The following SORCS2 variants were observed in gnomAD, a reference collection of about 807,000 sequenced individuals.
The protein encoded by SORCS2 is VPS10 domain-containing receptor SorCS2.
A neutral mutation model predicts 141.6 loss-of-function variants in SORCS2; 100 were observed. The observed-to-expected ratio is 0.71, with a 90% CI of 0.60 to 0.83. SORCS2 has a LOEUF of 0.83. SORCS2 is among the 40% of genes least tolerant of loss of function. SORCS2 has a pLI of 0.00. For synonymous variants in SORCS2, 789 were observed against 676.9 expected, an observed-to-expected ratio of 1.17 and a Z score of -2.57; for missense variants, 1,646 against 1,560.2, an observed-to-expected ratio of 1.05 and a Z score of -0.93.
At chr4:7,422,286 C>T (rs1043704889) in intron 2 of SORCS2, among the ~76,000 whole-genome samples, 4 of 152,164 alleles carry the variant, frequency 2.6e-5, no homozygotes, top group Admixed American at 6.5e-5. Flanking sequence ...CGGGCCATGC[C>T]GTTCTCTGGG....
chr4:7,384,760 G>C (rs144021029), intron 1 of SORCS2, among the ~76,000 whole-genome samples: 1 of 152,192 alleles, frequency 6.6e-6, no homozygotes, highest in Non-Finnish European at 1.5e-5. Context: ...CTGCATCCTC[G>C]CTTCAGCTCT....
Position 7,723,703 on chromosome 4 carries a change from G to A in SORCS2, c.2431G>A (p.Val811Ile). The change falls in exon 19 of 27, where the codon GTC becomes ATC. Residue 811 changes from valine (V) to isoleucine (I), a missense_variant. By Grantham distance (29) the Val-to-Ile change is conservative. Transcript: ENST00000507866. ...ACATGGTGTTTCTCTGCAGGGTGAT[G>A]TCCTGACTACCAAGTACCAGGTAGA... ...LFVVRQEQGDVLTTKYQVDLG... is the reference protein window; with the variant it reads ...LFVVRQEQGDILTTKYQVDLG... The A allele has an allele frequency of 1.2e-6, 2 of 1,613,982 alleles. No individual in the cohort carries two copies. The highest frequency in any genetic ancestry group is 1.1e-5 in the South Asian group (1 of 91,088).
intron 2 of SORCS2, among the ~76,000 whole-genome samples, chr4:7,528,194 A>C (rs1400479022): frequency 6.6e-6 from 1 of 152,162 alleles, no homozygotes; most frequent in East Asian, 1.9e-4. Context: ...ATGTGAAAGA[A>C]TTTGAATGAG....
chr4:7,446,913 C>T (rs1321807102), intron 2 of SORCS2, among the ~76,000 whole-genome samples: 1 of 152,214 alleles, frequency 6.6e-6, no homozygotes, highest in Non-Finnish European at 1.5e-5. Flanking sequence ...TGAGGCTCAC[C>T]CTAGGTCATG....
chr4:7,303,087 A>G (rs1475696731), intron 1 of SORCS2, among the ~76,000 whole-genome samples: 3 of 152,162 alleles, frequency 2.0e-5, no homozygotes, highest in Non-Finnish European at 4.4e-5. Flanking sequence ...TGCACACAAA[A>G]CAGAGCTCAG....
At chr4:7,718,468 G>T (rs1480323364) in intron 18 of SORCS2, among the ~76,000 whole-genome samples, 2 of 152,242 alleles carry the variant, frequency 1.3e-5, no homozygotes, top group South Asian at 2.1e-4. Context: ...CACACATCGG[G>T]TGGGGGAGGG....
chr4:7,445,530 G>T (rs1186216199), intron 2 of SORCS2, among the ~76,000 whole-genome samples: 1 of 152,138 alleles, frequency 6.6e-6, no homozygotes, highest in Non-Finnish European at 1.5e-5. Context: ...CCTGTGGATG[G>T]AGCGGGGCCG....
At chr4:7,441,627 C>G (rs1727671552) in intron 2 of SORCS2, among the ~76,000 whole-genome samples, 1 of 151,716 alleles carries the variant, frequency 6.6e-6, no homozygotes, top group African/African-American at 2.4e-5. Flanking sequence ...ACCCCTTCCT[C>G]CAGCCCAGAT....
intron 1 of SORCS2, among the ~76,000 whole-genome samples, chr4:7,196,959 G>A (rs879355585): frequency 1.3e-5 from 2 of 152,178 alleles, no homozygotes; most frequent in Non-Finnish European, 2.9e-5. Context: ...GCCAGGTGTC[G>A]AGTTCCTGGA....
rs1560114516 is a variant in SORCS2, at chr4:7,724,703, TGGTGGTGATAGTATTGGTGGGAATG to T, written c.2612-449_2612-425del. ...GTGGTGATGGTGGTGGTGTTGGTGA[TGGTGGTGATAGTATTGGTGGGAATG>T]GATGGTGGTAGTAGTGGTGATGGTG... On this transcript the variant is annotated intron_variant, in intron 19 of 26. Coordinates refer to ENST00000507866, the MANE Select transcript of SORCS2 (RefSeq NM_020777.3). Among the ~76,000 whole-genome samples, 23 of 124,336 alleles carry T rather than the reference TGGTGGTGATAGTATTGGTGGGAATG, an allele frequency of 1.8e-4. 2 individuals carry two copies. The highest frequency in any genetic ancestry group is 5.2e-4 in the East Asian group (2 of 3,858). The allele number at this position is 124,336 out of a possible 152,430, so 81.6% of individuals were successfully genotyped here. A position where few individuals can be genotyped will look rare whatever the true frequency, so the allele number is the denominator to read the frequency against.
intron 3 of SORCS2, among the ~76,000 whole-genome samples, chr4:7,632,613 A>C (rs1251480879): frequency 6.6e-6 from 1 of 152,190 alleles, no homozygotes; most frequent in African/African-American, 2.4e-5. Context: ...CACCACCTGC[A>C]AAGCCCAGGG....
intron 1 of SORCS2, among the ~76,000 whole-genome samples, chr4:7,338,251 G>A (rs1577417016): frequency 6.6e-6 from 1 of 151,212 alleles, no homozygotes; most frequent in African/African-American, 2.4e-5. Flanking sequence ...ATGGATGGAT[G>A]GATGGATGGA....
chr4:7,323,102 ATAT>A (rs1719004695), intron 1 of SORCS2, among the ~76,000 whole-genome samples: 1 of 152,218 alleles, frequency 6.6e-6, no homozygotes, highest in Admixed American at 6.5e-5. Context: ...ATGGGGTCAA[ATAT>A]TATTTATGTA....
intron 1 of SORCS2, among the ~76,000 whole-genome samples, chr4:7,251,575 T>A (rs1183076354): frequency 2.0e-5 from 3 of 152,128 alleles, no homozygotes; most frequent in Non-Finnish European, 4.4e-5. Flanking sequence ...CTCTGACACT[T>A]TCACAGGTTC....
chr4:7,288,049 A>G (rs544482669), intron 1 of SORCS2, among the ~76,000 whole-genome samples: 89 of 152,322 alleles, frequency 5.8e-4, no homozygotes, highest in African/African-American at 2.1e-3. Context: ...CCTGAAAGCC[A>G]GCTCATGCCA....
At chr4:7,588,425 G>A (rs962591497) in intron 3 of SORCS2, among the ~76,000 whole-genome samples, 2 of 152,196 alleles carry the variant, frequency 1.3e-5, no homozygotes, top group African/African-American at 4.8e-5. Context: ...TTGGGGGCTG[G>A]GTTTCTGCCA....
chr4:7,712,131 C>G (rs1725860205), intron 14 of SORCS2, among the ~76,000 whole-genome samples: 1 of 152,210 alleles, frequency 6.6e-6, no homozygotes, highest in Non-Finnish European at 1.5e-5. Context: ...CTTCCCCCAC[C>G]CACCTAGGCT....
chr4:7,592,259 T>A (rs770708389), intron 3 of SORCS2, among the ~76,000 whole-genome samples: 3 of 152,334 alleles, frequency 2.0e-5, no homozygotes, highest in Non-Finnish European at 2.9e-5. Flanking sequence ...TATTATTATT[T>A]TTTTTAACAA....
At chr4:7,434,101 G>C in intron 2 of SORCS2, 2 of 1,611,842 alleles carry the variant, frequency 1.2e-6, no homozygotes, top group Non-Finnish European at 1.7e-6. Flanking sequence ...CAAACGGGCA[G>C]GTGCCCCTAG....
Sources: allele counts gnomAD v4.1 joint callset (sites outside exome capture counted in the v4.1 genomes callset), GRCh38; gene constraint gnomAD v4.1.1; transcripts MANE v1.5; gene names NCBI Gene and HGNC (gene_info 2026-07-23, HGNC 2026-07-21).